The following VPS13D variants were observed in gnomAD, a reference collection of about 807,000 sequenced individuals.
The protein encoded by VPS13D is intermembrane lipid transfer protein VPS13D.
Under a neutral mutation model 461.9 loss-of-function variants are expected in VPS13D, and 187 were observed. That is an observed-to-expected ratio of 0.40 (90% confidence interval 0.36 to 0.46). VPS13D has a LOEUF of 0.46. Among genes scored for constraint, VPS13D ranks in the 20% least tolerant of loss-of-function variants. VPS13D has a pLI of 0.60. For synonymous variants in VPS13D, 1,951 were observed against 1,986.3 expected, an observed-to-expected ratio of 0.98 and a Z score of 0.47; for missense variants, 4,711 against 5,364.9, an observed-to-expected ratio of 0.88 and a Z score of 3.81.
intron 40 of VPS13D, 150 bp downstream of exon 40, chr1:12,338,455 G>A: frequency 1.5e-6 from 1 of 657,352 alleles, no homozygotes; most frequent in East Asian, 2.6e-5. Flanking sequence ...TCCAACTGAT[G>A]AACAGAGTGG....
chr1:12,230,602 T>A (rs1220669888), intron 1 of VPS13D, among the ~76,000 whole-genome samples: 1 of 151,900 alleles, frequency 6.6e-6, no homozygotes, highest in Non-Finnish European at 1.5e-5. Flanking sequence ...GGGTGTCAGT[T>A]CTCTAGAATG....
chr1:12,253,557 G>A (rs1405677597), intron 6 of VPS13D, among the ~76,000 whole-genome samples, 165 bp from the exon 7 acceptor site: 1 of 152,200 alleles, frequency 6.6e-6, no homozygotes, highest in East Asian at 1.9e-4. Context: ...CAGTTAGCTA[G>A]ATTTTGAACT....
chr1:12,341,575 G>A (rs921368410), intron 40 of VPS13D, among the ~76,000 whole-genome samples: 12 of 152,168 alleles, frequency 7.9e-5, no homozygotes, highest in Non-Finnish European at 1.3e-4. Context: ...AGAATTGGGG[G>A]CTGGGAATAG....
intron 67 of VPS13D, among the ~76,000 whole-genome samples, chr1:12,466,423 A>G (rs1238965900): frequency 2.0e-5 from 3 of 152,240 alleles, no homozygotes; most frequent in African/African-American, 4.8e-5. Flanking sequence ...TATCCCATGT[A>G]TCTAGAGTGG....
chr1:12,427,861 C>G (rs1644942309), intron 65 of VPS13D, among the ~76,000 whole-genome samples: 1 of 152,166 alleles, frequency 6.6e-6, no homozygotes, highest in South Asian at 2.1e-4. Context: ...CCTTGTTAGC[C>G]TCTCCTTCCC....
At chr1:12,496,273 C>T (rs1645956021) in intron 67 of VPS13D, among the ~76,000 whole-genome samples, 1 of 152,154 alleles carries the variant, frequency 6.6e-6, no homozygotes, top group Admixed American at 6.5e-5. Flanking sequence ...CACATTAAAC[C>T]TCACCAAGGT....
At chr1:12,230,655 C>T (rs1428197686) in intron 1 of VPS13D, among the ~76,000 whole-genome samples, 3 of 152,140 alleles carry the variant, frequency 2.0e-5, no homozygotes, top group Admixed American at 2.0e-4. Context: ...GTCACACTCT[C>T]GCGTGGAGAC....
chr1:12,400,958 GCGCGCACACACACACACACA>G lies in VPS13D; in HGVS notation c.11784+630_11785-629del, dbSNP rs1384487820. On this transcript the variant is annotated intron_variant, in intron 61 of 69. Coordinates refer to ENST00000620676, the MANE Select transcript of VPS13D (RefSeq NM_015378.4). ...GATAGAGTGAGATGTGCACCTGCGCGCGCGCACACACACACACACACACACACACACACACACACACACAC... is the reference window on the plus strand; with the variant it reads ...GATAGAGTGAGATGTGCACCTGCGCGCACACACACACACACACACACACAC... Among the ~76,000 whole-genome samples, 110 of 80,480 alleles carry G rather than the reference GCGCGCACACACACACACACA, an allele frequency of 1.4e-3. 1 individual carries two copies. The East Asian group carries it at 0.029, about 21-fold the overall frequency. 52.8% of individuals were successfully genotyped at this position (80,480 alleles called of 152,430 possible).
At position 12,444,319 on chromosome 1, in the gene VPS13D, A is replaced by G. The variant is rs550514615; in HGVS notation, c.12334-11679A>G. On this transcript the variant is annotated intron_variant, in intron 65 of 69. Coordinates refer to ENST00000620676, the MANE Select transcript of VPS13D (RefSeq NM_015378.4). ...CTTTTTTTTCTTTGACAACTTCAAG[A>G]TTTACTCTTTGTTTTTAGTTTCTAT... Among the ~76,000 whole-genome samples, 4 of 151,374 alleles carry G rather than the reference A, an allele frequency of 2.6e-5. No homozygotes were observed. The South Asian group carries it at 6.3e-4, about 24-fold the overall frequency.
Position 12,276,360 on chromosome 1 carries a change from G to A in VPS13D, c.2772G>A (p.Arg924=). The stretch of plus-strand genomic sequence containing the variant: ...AGATTTTTCCCCAGGAGGAGCAGCG[G>A]GGAAGTTTGCAAGACTCCGTAATGA... The part of the protein sequence containing the change: ...KEKIFPQEEQ[R]GSLQDSVMNL... The change falls in exon 19 of 70, where the codon CGG becomes CGA. Residue 924 remains arginine (R), a synonymous_variant. Coordinates refer to ENST00000620676, the MANE Select transcript of VPS13D (RefSeq NM_015378.4). The surrounding 1 kb of genome is among the most constrained non-coding windows in gnomAD (Gnocchi z 4.5). 6.2e-7 allele frequency: 1 copy of A among 1,614,160 alleles called. No homozygotes were observed. Among genetic ancestry groups the A allele is most frequent in the Non-Finnish European group, 8.5e-7 (1 of 1,180,036 alleles).
intron 65 of VPS13D, among the ~76,000 whole-genome samples, chr1:12,433,258 GAA>G (rs530607755): frequency 2.1e-5 from 3 of 141,072 alleles, no homozygotes; most frequent in Admixed American, 1.4e-4. Context: ...AACGCTTGGG[GAA>G]AAAAAAAAAA....
chr1:12,300,812 G>A (rs1266811722), intron 25 of VPS13D, among the ~76,000 whole-genome samples: 1 of 152,122 alleles, frequency 6.6e-6, no homozygotes, highest in East Asian at 1.9e-4. Context: ...CATTTGAGGA[G>A]ACTGAGTGAC....
At chr1:12,374,201 T>C (rs1317629546) in intron 55 of VPS13D, among the ~76,000 whole-genome samples, 3 of 152,244 alleles carry the variant, frequency 2.0e-5, no homozygotes, top group Non-Finnish European at 2.9e-5. Flanking sequence ...TTATAACTTA[T>C]AGAACATTTT....
intron 66 of VPS13D, among the ~76,000 whole-genome samples, chr1:12,459,492 T>C (rs1187784641): frequency 6.6e-6 from 1 of 150,626 alleles, no homozygotes; most frequent in Non-Finnish European, 1.5e-5. Flanking sequence ...CTTTTTTTTT[T>C]TTTTTTTGAG....
At chr1:12,355,511 T>C (rs1643877492) in intron 47 of VPS13D, among the ~76,000 whole-genome samples, 1 of 152,340 alleles carries the variant, frequency 6.6e-6, no homozygotes, top group South Asian at 2.1e-4. Flanking sequence ...ACAATGTGTA[T>C]ATGTATTGAG....
chr1:12,433,586 C>T (rs974383361), intron 65 of VPS13D, among the ~76,000 whole-genome samples: 5 of 152,240 alleles, frequency 3.3e-5, no homozygotes, highest in African/African-American at 7.2e-5. Flanking sequence ...TCCAAGTTCA[C>T]GCAGTGGACT....
intron 22 of VPS13D, among the ~76,000 whole-genome samples, chr1:12,290,655 A>G (rs1019081029): frequency 2.6e-5 from 4 of 151,772 alleles, no homozygotes; most frequent in African/African-American, 9.7e-5. Flanking sequence ...CCCGGGAGGC[A>G]GAACTTGCAG....
intron 17 of VPS13D, among the ~76,000 whole-genome samples, chr1:12,271,442 G>A (rs1460371217): frequency 6.6e-6 from 1 of 152,164 alleles, no homozygotes; most frequent in Non-Finnish European, 1.5e-5. Context: ...GCTGAGGTGG[G>A]CAGATCACTT....
intron 65 of VPS13D, among the ~76,000 whole-genome samples, chr1:12,435,378 C>G (rs1311260054): frequency 6.6e-6 from 1 of 152,084 alleles, no homozygotes; most frequent in Non-Finnish European, 1.5e-5. Flanking sequence ...GGAGGATCAT[C>G]CGAGCCTAGG....
Sources: allele counts gnomAD v4.1 joint callset (sites outside exome capture counted in the v4.1 genomes callset), GRCh38; gene constraint gnomAD v4.1.1; non-coding constraint Gnocchi (gnomAD v3.1); transcripts MANE v1.5; gene names NCBI Gene and HGNC (gene_info 2026-07-23, HGNC 2026-07-21).